Variants in WWOX observed in about 807,000 individuals in gnomAD.
WWOX encodes WW domain containing oxidoreductase, also known as WW domain-containing oxidoreductase.
WWOX carries 69 observed loss-of-function variants against 46.2 expected under a neutral mutation model. That is an observed-to-expected ratio of 1.49 (90% CI 1.23 to 1.82). The LOEUF is 1.82. Ranked by LOEUF, WWOX falls within the 40% of genes most tolerant of loss-of-function variation. The probability of loss-of-function intolerance (pLI) is 0.00; values close to 1 mark genes in which losing one functional copy is unlikely to be tolerated. For missense variants in WWOX, 919 were observed against 542.6 expected, an observed-to-expected ratio of 1.69 and a Z score of -6.89; for synonymous variants, 359 against 202.6, an observed-to-expected ratio of 1.77 and a Z score of -6.56.
At chr16:78,929,335 T>A (rs2045569299) in intron 8 of WWOX, among the ~76,000 whole-genome samples, 1 of 152,148 alleles carries the variant, frequency 6.6e-6, no homozygotes, top group Non-Finnish European at 1.5e-5. Flanking sequence ...AATACTTGAA[T>A]TTTCAGTTTC....
chr16:78,854,317 A>C (rs1010106158), intron 8 of WWOX, among the ~76,000 whole-genome samples: 2 of 152,210 alleles, frequency 1.3e-5, no homozygotes, highest in African/African-American at 4.8e-5. Flanking sequence ...CATGCAGTTT[A>C]TCAAATAGAA....
intron 8 of WWOX, chr16:78,691,245 T>C (rs1465208946): frequency 1.4e-6 from 1 of 702,276 alleles, no homozygotes; most frequent in Non-Finnish European, 2.6e-6. Context: ...ATTCCAGGTT[T>C]CAGACTGCCT....
intron 8 of WWOX, among the ~76,000 whole-genome samples, chr16:79,102,740 AG>A (rs1228239229): frequency 6.6e-6 from 1 of 152,192 alleles, no homozygotes; most frequent in Non-Finnish European, 1.5e-5. Flanking sequence ...CTGAAGCTAA[AG>A]GGTACATGTT....
chr16:78,726,874 G>A (rs890985944), intron 8 of WWOX, among the ~76,000 whole-genome samples: 14 of 152,172 alleles, frequency 9.2e-5, no homozygotes, highest in African/African-American at 3.1e-4. Flanking sequence ...GGGGAGCTGA[G>A]TCGGGAGTTG....
At chr16:79,197,053 G>C (rs1028195672) in intron 8 of WWOX, among the ~76,000 whole-genome samples, 7 of 152,198 alleles carry the variant, frequency 4.6e-5, no homozygotes, top group African/African-American at 1.2e-4. Flanking sequence ...TATTGACCCA[G>C]TAGGAAGTAT....
At chr16:79,009,448 A>C (rs2047259343) in intron 8 of WWOX, among the ~76,000 whole-genome samples, 1 of 151,418 alleles carries the variant, frequency 6.6e-6, no homozygotes, top group African/African-American at 2.4e-5. Context: ...GGCTTCTGTG[A>C]CTTTAGAGGC....
At chr16:78,918,746 G>A (rs960901820) in intron 8 of WWOX, among the ~76,000 whole-genome samples, 1 of 152,138 alleles carries the variant, frequency 6.6e-6, no homozygotes, top group African/African-American at 2.4e-5. Context: ...ACCCATTTCA[G>A]AAATTCCAGA....
At chr16:78,611,158 C>T (rs916032580) in intron 8 of WWOX, among the ~76,000 whole-genome samples, 2 of 152,102 alleles carry the variant, frequency 1.3e-5, no homozygotes, top group Admixed American at 1.3e-4. Context: ...ATTGAAACGA[C>T]TGAAATAGGT....
At chr16:78,765,203 A>T (rs1003132110) in intron 8 of WWOX, among the ~76,000 whole-genome samples, 1 of 152,246 alleles carries the variant, frequency 6.6e-6, no homozygotes, top group South Asian at 2.1e-4. Context: ...CAACAAAGGC[A>T]TCCCTGGCAG....
chr16:79,025,859 C>G (rs1405188705), intron 8 of WWOX, among the ~76,000 whole-genome samples: 1 of 133,368 alleles, frequency 7.5e-6, no homozygotes, highest in Admixed American at 9.3e-5. Context: ...AGTGCAACGG[C>G]ACAATCTTGG....
chr16:79,077,252 G>A (rs1174136203), intron 8 of WWOX: 2 of 152,056 alleles, frequency 1.3e-5, no homozygotes, highest in African/African-American at 4.8e-5. Context: ...CTATTAAAAT[G>A]TGCCAAAGTA....
intron 8 of WWOX, among the ~76,000 whole-genome samples, chr16:78,791,329 G>A (rs929802356): frequency 3.3e-5 from 5 of 152,088 alleles, no homozygotes; most frequent in African/African-American, 9.7e-5. Flanking sequence ...TGGACTCAAC[G>A]GCAGTCTCAG....
intron 8 of WWOX, among the ~76,000 whole-genome samples, chr16:78,568,833 G>A (rs1007990238): frequency 8.5e-5 from 13 of 152,182 alleles, no homozygotes; most frequent in Admixed American, 5.2e-4. Context: ...TAATACTAGT[G>A]TGTGCAAGTA....
Position 78,120,839 on chromosome 16 carries a change from G to C in WWOX, c.409+5685G>C, listed in dbSNP as rs182492555. 2.0e-5 allele frequency among the ~76,000 whole-genome samples: 3 copies of C among 152,136 alleles called. No individual in the cohort carries two copies. In the East Asian group the frequency reaches 5.8e-4, roughly 29 times the overall value. On this transcript the variant is annotated intron_variant, in intron 4 of 8. Transcript: ENST00000566780. The stretch of plus-strand genomic sequence containing the variant: ...AATTACTTTTTCTTCATGTAGAGAA[G>C]GGTATTCATTCCTAAGATTTTAAAT...
intron 8 of WWOX, among the ~76,000 whole-genome samples, chr16:78,885,924 ATTTT>A (rs376409155): frequency 1.5e-5 from 2 of 135,724 alleles, no homozygotes; most frequent in African/African-American, 5.4e-5. Flanking sequence ...TGGGGATGGA[ATTTT>A]TTTTTTTTTT....
At chr16:78,537,488 T>C (rs888598807) in intron 8 of WWOX, among the ~76,000 whole-genome samples, 1 of 152,232 alleles carries the variant, frequency 6.6e-6, no homozygotes, top group Admixed American at 6.5e-5. Flanking sequence ...TCTCATTGTT[T>C]TATCGTTTTC....
chr16:78,496,352 G>T (rs1417006823), intron 8 of WWOX: 1 of 152,252 alleles, frequency 6.6e-6, no homozygotes, highest in African/African-American at 2.4e-5. Context: ...TGAGTGCCAA[G>T]TTGGCAGAGC....
At chr16:78,283,879 C>A (rs2151856195) in intron 5 of WWOX, among the ~76,000 whole-genome samples, 1 of 152,270 alleles carries the variant, frequency 6.6e-6, no homozygotes, top group Non-Finnish European at 1.5e-5. Flanking sequence ...CATTTATAAT[C>A]ATCTGTCCAT....
In WWOX at chr16:78,339,847, T is replaced by C. The variant is rs1309323878; in HGVS notation, c.517-47013T>C. Among the ~76,000 whole-genome samples the C allele has an allele frequency of 5.1e-5, 6 of 117,168 alleles. 2 individuals carry two copies. Among genetic ancestry groups the C allele is most frequent in the African/African-American group, 1.2e-4 (4 of 34,568 alleles). 76.9% of individuals were successfully genotyped at this position (117,168 alleles called of 152,430 possible). On this transcript the variant is annotated intron_variant, in intron 5 of 8. Transcript: ENST00000566780. ...TCTTGGGAGTACAATGGGAGGCATA[T>C]CATCAACCCCTTGCTGCTATCCAAA...
Sources: allele counts gnomAD v4.1 joint callset (sites outside exome capture counted in the v4.1 genomes callset), GRCh38; gene constraint gnomAD v4.1.1; transcripts MANE v1.5; gene names NCBI Gene and HGNC (gene_info 2026-07-23, HGNC 2026-07-21).